The following TOX2 variants were observed in gnomAD, a reference collection of about 807,000 sequenced individuals.
TOX2 encodes the protein TOX high mobility group box family member 2.
TOX2 carries 15 observed loss-of-function variants against 47.4 expected under a neutral mutation model. The ratio of observed to expected loss-of-function variants is 0.32; its 90% confidence interval spans 0.21 to 0.49. The LOEUF (loss-of-function observed/expected upper bound fraction) is 0.49, where lower values mean the gene tolerates loss of function less well. Ranked by LOEUF, TOX2 falls within the 20% of genes least tolerant of loss-of-function variation. TOX2 has a pLI of 0.99. For synonymous variants in TOX2, 290 were observed against 296.6 expected (o/e 0.98, Z 0.23); for missense variants, 622 against 673.1 (o/e 0.92, Z 0.84).
At chr20:44,065,598 A>G (rs1178837180) in intron 6 of TOX2, 114 bp from the exon 7 acceptor site, 30 of 1,322,896 alleles carry the variant, frequency 2.3e-5, no homozygotes, top group Non-Finnish European at 2.9e-5. Flanking sequence ...GCTCTCTCCC[A>G]AGACAGCCAG....
chr20:43,934,330 G>T (rs2069296191), intron 1 of TOX2, among the ~76,000 whole-genome samples: 1 of 152,088 alleles, frequency 6.6e-6, no homozygotes, highest in Non-Finnish European at 1.5e-5. Flanking sequence ...ATCCATCACA[G>T]GATGGGTATT....
chr20:44,057,497 A>T (rs2145775660), intron 5 of TOX2, among the ~76,000 whole-genome samples: 1 of 151,656 alleles, frequency 6.6e-6, no homozygotes, highest in East Asian at 1.9e-4. Context: ...AATAGGAAAT[A>T]AAAAAACCTT....
chr20:43,946,462 C>A (rs541893147), intron 1 of TOX2, among the ~76,000 whole-genome samples: 84 of 152,230 alleles, frequency 5.5e-4, no homozygotes, highest in African/African-American at 2.0e-3. Context: ...GTGACAGGGG[C>A]CTTCCAAGAA....
At chr20:43,969,889 A>G (rs968873845) in intron 1 of TOX2, among the ~76,000 whole-genome samples, 1 of 152,200 alleles carries the variant, frequency 6.6e-6, no homozygotes, top group African/African-American at 2.4e-5. Context: ...TGAATAAGAC[A>G]GGCTCTGGTG....
rs777933882 is a variant in TOX2 at position 44,007,953 on chromosome 20, T to TA, written c.411+1170dup. Among the ~76,000 whole-genome samples, 898 of 151,634 alleles carry TA rather than the reference T, an allele frequency of 5.9e-3. 9 individuals carry two copies. The highest frequency in any genetic ancestry group is 7.5e-3 in the Non-Finnish European group (507 of 67,862). On this transcript the variant is annotated intron_variant, in intron 3 of 8. Transcript: ENST00000341197. ...TTTCATAGAAATGGAGTCATATAAT[T>TA]AAAAAAAAATTGTATCTTGCTTAAG...
chr20:44,039,093 T>G (rs1280681808), intron 3 of TOX2: 4 of 1,274,626 alleles, frequency 3.1e-6, no homozygotes, highest in East Asian at 5.6e-5. Flanking sequence ...TGCCTGGTGC[T>G]GGGAGGCAGG....
In TOX2 at chr20:43,989,793, A is replaced by G. The variant is rs1357898850; in HGVS notation, c.165+16361A>G. On this transcript the variant is annotated intron_variant, in intron 2 of 8. Coordinates refer to ENST00000341197, the MANE Select transcript of TOX2 (RefSeq NM_001098797.2). Reference sequence around the variant, plus strand: ...AGACTCTGTCTCAGAAAAAAAAAAAAAAAACCCACCCAGCATATATTAATC... The same window carrying G: ...AGACTCTGTCTCAGAAAAAAAAAAAGAAAACCCACCCAGCATATATTAATC... Among the ~76,000 whole-genome samples, 3 of 151,890 alleles carry G rather than the reference A, an allele frequency of 2.0e-5. No homozygotes were observed. In the East Asian group the frequency reaches 5.8e-4, roughly 29 times the overall value.
chr20:43,928,850 T>G (rs1028706192), intron 1 of TOX2, among the ~76,000 whole-genome samples: 11 of 151,826 alleles, frequency 7.2e-5, no homozygotes. Flanking sequence ...AGCTACTCAG[T>G]GGGGCCGGGC....
chr20:44,065,862 G>C lies in TOX2; in HGVS notation c.1111G>C (p.Ala371Pro). 6 of 1,613,620 alleles carry C rather than the reference G, an allele frequency of 3.7e-6. No homozygotes were observed. Among genetic ancestry groups the C allele is most frequent in the Non-Finnish European group, 5.1e-6 (6 of 1,179,692 alleles). Residue 371 changes from alanine to proline, a missense_variant, in exon 7 of 9, where the codon GCC (alanine) becomes CCC (proline). Coordinates refer to ENST00000341197, the MANE Select transcript of TOX2 (RefSeq NM_001098797.2). The part of the protein sequence containing the change: ...LQAFRSGASP[A>P]SLARTLGSKS... The stretch of plus-strand genomic sequence containing the variant: ...GGCCTTCCGCAGTGGGGCCTCCCCT[G>C]CCAGCCTCGCCCGGACGCTGGGCTC...
At chr20:43,994,623 G>C (rs2070437457) in intron 2 of TOX2, among the ~76,000 whole-genome samples, 1 of 152,090 alleles carries the variant, frequency 6.6e-6, no homozygotes, top group Admixed American at 6.6e-5. Context: ...TGGGACTGCT[G>C]CTTCCTAAAG....
intron 2 of TOX2, among the ~76,000 whole-genome samples, chr20:44,004,738 C>T (rs934742556): frequency 1.3e-5 from 2 of 152,240 alleles, no homozygotes; most frequent in Non-Finnish European, 2.9e-5. Context: ...AATTGGCCAC[C>T]ACCAACCAGG....
chr20:44,063,940 G>A (rs2071765873), intron 5 of TOX2, among the ~76,000 whole-genome samples: 1 of 152,178 alleles, frequency 6.6e-6, no homozygotes, highest in South Asian at 2.1e-4. Context: ...GTTCTCATAA[G>A]TGGGAACTAA....
rs74878400 is a variant in TOX2, at chr20:44,039,089, G to A, written c.412-12217G>A. On this transcript the variant is annotated intron_variant, in intron 3 of 8. Coordinates refer to ENST00000341197, the MANE Select transcript of TOX2 (RefSeq NM_001098797.2). ...GGCTGCCTGCCCAGCCCTCTGCCTG[G>A]TGCTGGGAGGCAGGTGTCTCTGCAC... The A allele has an allele frequency of 1.0e-3, 1,317 of 1,278,562 alleles. 12 individuals carry two copies. In the African/African-American group the frequency reaches 0.019, roughly 18 times the overall value. The allele number at this position is 1,278,562 out of a possible 1,614,324, so 79.2% of individuals were successfully genotyped here.
At chr20:43,975,664 A>G (rs1027014916) in intron 2 of TOX2, among the ~76,000 whole-genome samples, 2 of 152,112 alleles carry the variant, frequency 1.3e-5, no homozygotes, top group Non-Finnish European at 2.9e-5. Flanking sequence ...CCTTTCCATG[A>G]TTCTCATTAA....
chr20:44,024,578 A>T (rs1442219381), intron 3 of TOX2, among the ~76,000 whole-genome samples: 1 of 152,116 alleles, frequency 6.6e-6, no homozygotes, highest in Non-Finnish European at 1.5e-5. Flanking sequence ...GTCTTCTTAC[A>T]TCTTTTACTT....
At position 43,916,341 on chromosome 20, in the gene TOX2, G is replaced by A. The variant is rs1413162887; in HGVS notation, c.99+1351G>A. On this transcript the variant is annotated intron_variant, in intron 1 of 8. Transcript: ENST00000341197. This position sits in a 1 kb window ranked among gnomAD's most constrained non-coding sequence, Gnocchi z 5.0. Reference sequence around the variant, plus strand: ...CCCGGCGCGGATCCCGGGGCCTCCCGGGCTGGGCCTCCCTGAGTGCGCCCT... The same window carrying A: ...CCCGGCGCGGATCCCGGGGCCTCCCAGGCTGGGCCTCCCTGAGTGCGCCCT... The A allele has an allele frequency of 1.5e-6, 1 of 677,664 alleles. No individual in the cohort carries two copies. The highest frequency in any genetic ancestry group is 1.8e-6 in the Non-Finnish European group (1 of 548,922). 42.0% of individuals were successfully genotyped at this position (677,664 alleles called of 1,614,324 possible).
At chr20:44,008,559 CA>C (rs11353562) in intron 3 of TOX2, among the ~76,000 whole-genome samples, 112,878 of 149,098 alleles carry the variant, frequency 0.76, 43,169 homozygotes, top group African/African-American at 0.91. Context: ...GACCCTGTCT[CA>C]AAAAAAAAAA....
intron 5 of TOX2, among the ~76,000 whole-genome samples, chr20:44,058,915 T>C (rs1359046031): frequency 6.6e-6 from 1 of 152,234 alleles, no homozygotes; most frequent in Admixed American, 6.5e-5. Flanking sequence ...TGACATAGTT[T>C]ACCCAAATGG....
At chr20:43,957,696 A>G (rs542214116) in intron 1 of TOX2, among the ~76,000 whole-genome samples, 1 of 151,390 alleles carries the variant, frequency 6.6e-6, no homozygotes, top group South Asian at 2.1e-4. Flanking sequence ...TTGTTCTTAC[A>G]CTTCTATAAA....
Sources: gnomAD v4.1 joint callset for allele counts (sites outside exome capture counted in the v4.1 genomes callset) on GRCh38, gnomAD v4.1.1 for gene constraint, Gnocchi (gnomAD v3.1) non-coding constraint, MANE v1.5 for transcripts, NCBI Gene and HGNC (gene_info 2026-07-23, HGNC 2026-07-21) for gene names.